Variants in UBP1 observed in about 807,000 individuals in gnomAD.
UBP1 encodes the protein upstream binding protein 1.
A neutral mutation model predicts 76.1 loss-of-function variants in UBP1; 22 were observed. The observed-to-expected ratio is 0.29, with a 90% confidence interval of 0.21 to 0.41. The LOEUF is 0.41. Among genes scored for constraint, UBP1 ranks in the 10% least tolerant of loss-of-function variants. The pLI is 1.00. For synonymous variants in UBP1, 224 were observed against 237.1 expected, an observed-to-expected ratio of 0.94 and a Z score of 0.51; for missense variants, 436 against 668.1, an observed-to-expected ratio of 0.65 and a Z score of 3.83.
At chr3:33,390,624 TG>T in intron 15 of UBP1, 1 of 540,156 alleles carries the variant, frequency 1.9e-6, no homozygotes. Context: ...CTGCCAGTTC[TG>T]GGGGTAGGGG....
chr3:33,401,333 A>G (rs1336171202), intron 9 of UBP1, among the ~76,000 whole-genome samples: 1 of 152,248 alleles, frequency 6.6e-6, no homozygotes, highest in East Asian at 1.9e-4. Flanking sequence ...ATACACATTA[A>G]TTTTTAAAAG....
At chr3:33,420,274 C>T (rs1159390014) in intron 2 of UBP1, among the ~76,000 whole-genome samples, 1 of 152,190 alleles carries the variant, frequency 6.6e-6, no homozygotes, top group Non-Finnish European at 1.5e-5. Context: ...TAACGGAATT[C>T]TTAATCCAAT....
chr3:33,439,927 T>C lies in UBP1; in HGVS notation c.-79A>G, dbSNP rs2045264929. 2 of 1,522,300 alleles carry C rather than the reference T, an allele frequency of 1.3e-6. No homozygotes were observed. Among genetic ancestry groups the C allele is most frequent in the East Asian group, 2.4e-5 (1 of 41,622 alleles). The allele number at this position is 1,522,300 out of a possible 1,614,324, so 94.3% of individuals were successfully genotyped here. A position where few individuals can be genotyped will look rare whatever the true frequency, so the allele number is the denominator to read the frequency against. On this transcript the variant is annotated 5_prime_UTR_variant, in exon 1 of 16. Coordinates refer to ENST00000283629, the MANE Select transcript of UBP1 (RefSeq NM_014517.5). ...GAGCCGGAGCTCCGCTGGCGCGTCCTGGGGGAGGGCGCGGGTGAAGCCTCC... is the reference window on the plus strand; with the variant it reads ...GAGCCGGAGCTCCGCTGGCGCGTCCCGGGGGAGGGCGCGGGTGAAGCCTCC...
intron 1 of UBP1, among the ~76,000 whole-genome samples, chr3:33,431,612 C>T (rs1043856163): frequency 2.0e-5 from 3 of 151,892 alleles, no homozygotes; most frequent in Non-Finnish European, 4.4e-5. Flanking sequence ...TGGTGGCACA[C>T]GTCTGTAGTC....
At chr3:33,408,079 C>T (rs779368833) in intron 8 of UBP1, among the ~76,000 whole-genome samples, 61 of 152,082 alleles carry the variant, frequency 4.0e-4, no homozygotes, top group Non-Finnish European at 6.3e-4. Context: ...CATTAATTCA[C>T]AATGCAACTG....
intron 8 of UBP1, among the ~76,000 whole-genome samples, chr3:33,406,386 T>C (rs1271439391): frequency 6.6e-6 from 1 of 152,244 alleles, no homozygotes; most frequent in East Asian, 1.9e-4. Flanking sequence ...TCACACACTG[T>C]CACCTCACCT....
intron 1 of UBP1, among the ~76,000 whole-genome samples, chr3:33,435,250 A>C (rs541409984): frequency 6.6e-6 from 1 of 152,318 alleles, no homozygotes; most frequent in South Asian, 2.1e-4. Flanking sequence ...AGTTTTATAG[A>C]AATTGCTTCA....
At chr3:33,421,664 CT>C (rs1164167995) in intron 2 of UBP1, among the ~76,000 whole-genome samples, 1 of 152,230 alleles carries the variant, frequency 6.6e-6, no homozygotes, top group Admixed American at 6.5e-5. Context: ...GGAAAACTTG[CT>C]CCAATTTCTA....
At chr3:33,404,107 A>G (rs2044347282) in intron 8 of UBP1, among the ~76,000 whole-genome samples, 1 of 152,162 alleles carries the variant, frequency 6.6e-6, no homozygotes, top group African/African-American at 2.4e-5. Flanking sequence ...CCAAAAAATA[A>G]AAACAATAAA....
chr3:33,400,168 T>C (rs183986162), intron 11 of UBP1, 21 bp downstream of exon 11: 98 of 1,444,334 alleles, frequency 6.8e-5, no homozygotes, highest in Admixed American at 2.5e-4. Flanking sequence ...CATGCACAGA[T>C]ACACACACAC....
chr3:33,433,083 C>T (rs550016801), intron 1 of UBP1, among the ~76,000 whole-genome samples: 15 of 150,378 alleles, frequency 1.0e-4, no homozygotes, highest in African/African-American at 3.7e-4. Context: ...TTTTTTGAGA[C>T]GGAGTCTCAC....
chr3:33,396,925 A>ATGC (rs2044021045), intron 12 of UBP1, 120 bp downstream of exon 12: 7 of 894,104 alleles, frequency 7.8e-6, no homozygotes, highest in Non-Finnish European at 1.3e-5. Context: ...AATGCTGCCA[A>ATGC]TGCTCGATGG....
At chr3:33,424,366 G>A (rs1575487291) in intron 2 of UBP1, among the ~76,000 whole-genome samples, 1 of 152,168 alleles carries the variant, frequency 6.6e-6, no homozygotes, top group East Asian at 1.9e-4. Context: ...CCACATTTCA[G>A]ATTAATCACA....
chr3:33,401,132 G>A, intron 9 of UBP1, 116 bp from the exon 10 acceptor site: 1 of 903,732 alleles, frequency 1.1e-6, no homozygotes, highest in Non-Finnish European at 1.6e-6. Context: ...GGCAACAGTG[G>A]GAGACAGCTA....
intron 10 of UBP1, 149 bp from the exon 11 acceptor site, chr3:33,400,431 G>C (rs1474051570): frequency 3.6e-6 from 2 of 555,476 alleles, no homozygotes; most frequent in African/African-American, 4.0e-5. Context: ...GCAGGCCCTT[G>C]TCAGAAACTT....
rs748652547 is a variant in UBP1, at chr3:33,392,576, G to A, written c.1572C>T (p.Phe524=). The A allele has an allele frequency of 1.9e-5, 30 of 1,607,634 alleles. No homozygotes were observed. Among genetic ancestry groups the A allele is most frequent in the Non-Finnish European group, 2.4e-5 (28 of 1,177,078 alleles). ...QNFQDESCFL[F]STVKAESSDG... is the part of the protein sequence containing the mutation. Reference sequence around the variant, plus strand: ...CATGCAAAGTACCTTTTACTGTGGAGAATAAAAAACAACTCTCATCTTGAA... The same window carrying A: ...CATGCAAAGTACCTTTTACTGTGGAAAATAAAAAACAACTCTCATCTTGAA... Residue 524 remains phenylalanine, a synonymous_variant, in exon 15 of 16, where the codon TTC becomes TTT. Transcript: ENST00000283629.
At chr3:33,416,904 A>C in intron 2 of UBP1, 70 bp from the exon 3 acceptor site, 1 of 1,313,366 alleles carries the variant, frequency 7.6e-7, no homozygotes, top group Non-Finnish European at 1.1e-6. Flanking sequence ...ATAATTCAAA[A>C]TGCATGTTTC....
intron 1 of UBP1, among the ~76,000 whole-genome samples, chr3:33,429,682 T>A (rs900139148): frequency 6.6e-6 from 1 of 152,196 alleles, no homozygotes; most frequent in Admixed American, 6.5e-5. Context: ...TGGTAAATTT[T>A]AATGTAGCTT....
chr3:33,415,863 A>G (rs1411290370), intron 3 of UBP1: 1 of 152,174 alleles, frequency 6.6e-6, no homozygotes, highest in African/African-American at 2.4e-5. Context: ...TTGGTAACCC[A>G]TCATTTGATC....
Sources: allele counts gnomAD v4.1 joint callset (sites outside exome capture counted in the v4.1 genomes callset), GRCh38; gene constraint gnomAD v4.1.1; transcripts MANE v1.5; gene names NCBI Gene and HGNC (gene_info 2026-07-23, HGNC 2026-07-21).